The following PKD1 variants were observed in gnomAD, a reference collection of about 807,000 sequenced individuals.
PKD1 encodes polycystin-1.
A neutral mutation model predicts 361.7 loss-of-function variants in PKD1; 81 were observed. The observed-to-expected ratio is 0.22, with a 90% confidence interval of 0.19 to 0.27. The LOEUF (loss-of-function observed/expected upper bound fraction) is 0.27, where lower values mean the gene tolerates loss of function less well. Among genes scored for constraint, PKD1 ranks in the 10% least tolerant of loss-of-function variants. PKD1 has a pLI of 1.00. For synonymous variants in PKD1, 3,615 were observed against 2,818.3 expected, an observed-to-expected ratio of 1.28 and a Z score of -8.95; for missense variants, 6,399 against 6,118.3, an observed-to-expected ratio of 1.05 and a Z score of -1.53.
rs1407836412 is a variant in PKD1, at chr16:2,091,638, C to T, written c.11538-41G>A. On this transcript the variant is annotated intron_variant, in intron 41 of 45. Coordinates refer to ENST00000262304, the MANE Select transcript of PKD1 (RefSeq NM_001009944.3). ...GGGTCAGTAGGAGCGGGTGGCAGGG[C>T]GGGAGCTGCGGGGACCGCGCAGTGC... 8 of 1,556,160 alleles carry T rather than the reference C, an allele frequency of 5.1e-6. No individual in the cohort carries two copies. In the African/African-American group the frequency reaches 6.8e-5, roughly 13 times the overall value.
Position 2,089,166 on chromosome 16 carries a change from C to A in PKD1, c.*561G>T. The A allele has an allele frequency of 5.8e-6, 1 of 173,008 alleles. No homozygotes were observed. Among genetic ancestry groups the A allele is most frequent in the South Asian group, 1.5e-4 (1 of 6,710 alleles). The allele number at this position is 173,008 out of a possible 1,614,324, so 10.7% of individuals were successfully genotyped here. ...AGCAGCCGGGCTGCCATAACGCCACCACACCTACCAAGCGCAGCAGGTGTT... is the reference window on the plus strand; with the variant it reads ...AGCAGCCGGGCTGCCATAACGCCACAACACCTACCAAGCGCAGCAGGTGTT... On this transcript the variant is annotated 3_prime_UTR_variant, in exon 46 of 46. Transcript: ENST00000262304.
chr16:2,123,992 G>T (rs1459577229), intron 1 of PKD1, among the ~76,000 whole-genome samples: 1 of 152,224 alleles, frequency 6.6e-6, no homozygotes, highest in Non-Finnish European at 1.5e-5. Flanking sequence ...GGCGGGAGGA[G>T]TTAGGACCAT....
intron 42 of PKD1, 38 bp from the exon 43 acceptor site, chr16:2,091,212 G>A: frequency 4.2e-6 from 5 of 1,189,764 alleles, no homozygotes; most frequent in South Asian, 3.8e-5. Flanking sequence ...GAGGGACGCT[G>A]CCGGGGCGGG....
intron 33 of PKD1, 23 bp from the exon 34 acceptor site, chr16:2,097,264 G>A (rs1008285353): frequency 6.9e-6 from 11 of 1,602,290 alleles, no homozygotes; most frequent in South Asian, 1.1e-5. Flanking sequence ...GAGGCATAGG[G>A]TGGGCCCAGC....
In PKD1 at chr16:2,116,810, C is replaced by A. The variant is rs1176947104; in HGVS notation, c.1606+23G>T. 2.1e-6 allele frequency: 3 copies of A among 1,418,108 alleles called. No homozygotes were observed. In the African/African-American group the frequency reaches 4.2e-5, roughly 20 times the overall value. 87.8% of individuals were successfully genotyped at this position (1,418,108 alleles called of 1,614,324 possible). A position where few individuals can be genotyped will look rare whatever the true frequency, so the allele number is the denominator to read the frequency against. On this transcript the variant is annotated intron_variant, in intron 7 of 45. Transcript: ENST00000262304. Reference sequence around the variant, plus strand: ...CCCTAACCACAGCCAGCGTCTCAGGCCCCTGCCTGGCCCCCCGCACACCTC... The same window carrying A: ...CCCTAACCACAGCCAGCGTCTCAGGACCCTGCCTGGCCCCCCGCACACCTC...
In PKD1 at chr16:2,111,452, C is replaced by A; in HGVS notation, c.3715G>T (p.Asp1239Tyr). ...VVVSAAVQTG[D>Y]NITWTFDMGD... ...ATGTCGAAGGTCCACGTGATGTTGT[C>A]GCCCGTCTGCACCGCGGCGCTGACC... Residue 1239 changes from aspartate to tyrosine, a missense_variant, in exon 15 of 46, where the codon GAC becomes TAC. By Grantham distance (160) the Asp-to-Tyr change is radical (BLOSUM62 -3). Coordinates refer to ENST00000262304, the MANE Select transcript of PKD1 (RefSeq NM_001009944.3). 6.2e-7 allele frequency: 1 copy of A among 1,611,836 alleles called. No individual in the cohort carries two copies. The highest frequency in any genetic ancestry group is 8.5e-7 in the Non-Finnish European group (1 of 1,179,522).
chr16:2,091,299 AGGGGGCGGGACGCTG>A (rs2091541080), intron 42 of PKD1, 109 bp downstream of exon 42: 2 of 288,640 alleles, frequency 6.9e-6, no homozygotes, highest in African/African-American at 9.7e-5. Flanking sequence ...GGGCCCTGCG[AGGGGGCGGGACGCTG>A]CGAGGGGGCG....
rs1324313309 is a variant in PKD1, at chr16:2,099,927, A to T, written c.9857T>A (p.Leu3286His). The T allele has an allele frequency of 5.8e-6, 9 of 1,562,576 alleles. No individual in the cohort carries two copies. Among genetic ancestry groups the T allele is most frequent in the Non-Finnish European group, 7.8e-6 (9 of 1,154,944 alleles). Residue 3286 changes from leucine to histidine, a missense_variant, in exon 29 of 46, where the codon CTC (leucine) becomes CAC (histidine). Transcript: ENST00000262304. ...TRIQRATCCVLLICLFLGANA... is the reference protein window; with the variant it reads ...TRIQRATCCVHLICLFLGANA... ...GGCGCCCAGGAAGAGGCAGATGAGG[A>T]GAACGCAGCAGGTGGCCCTCTGGAT...
In PKD1 at chr16:2,109,504, A is replaced by C. The variant is rs149395356; in HGVS notation, c.5663T>G (p.Val1888Gly). The stretch of plus-strand genomic sequence containing the variant: ...GCTGCTGGCCCACAGCACCAGGCCC[A>C]CGATGGGCTCCTCCGCCGTGAGGTT... Reference protein sequence around the residue: ...TYNLTAEEPIVGLVLWASSKV... With the variant: ...TYNLTAEEPIGGLVLWASSKV... The change falls in exon 15 of 46, where the codon GTG (valine) becomes GGG (glycine). Residue 1888 changes from valine to glycine, a missense_variant. Coordinates refer to ENST00000262304, the MANE Select transcript of PKD1 (RefSeq NM_001009944.3). 4 of 1,610,080 alleles carry C rather than the reference A, an allele frequency of 2.5e-6. No individual in the cohort carries two copies. Among genetic ancestry groups the C allele is most frequent in the Non-Finnish European group, 3.4e-6 (4 of 1,179,312 alleles).
Position 2,107,902 on chromosome 16 carries a change from T to C in PKD1, c.7046A>G (p.Glu2349Gly). 1 of 1,544,910 alleles carries C rather than the reference T, an allele frequency of 6.5e-7. No individual in the cohort carries two copies. The highest frequency in any genetic ancestry group is 8.7e-7 in the Non-Finnish European group (1 of 1,146,602). The change falls in exon 16 of 46, where the codon GAG becomes GGG. Residue 2349 changes from glutamate to glycine, a missense_variant. Glu to Gly is a moderately conservative substitution (Grantham distance 98, BLOSUM62 -2). Coordinates refer to ENST00000262304, the MANE Select transcript of PKD1 (RefSeq NM_001009944.3). ...SLTVWKAGRK[E>G]EATNQTVLIR... ...ACCCACCGTCTGGTTGGTGGCCTCC[T>C]CCTTGCGGCCGGCCTTCCACACGGT... is the stretch of plus-strand genomic sequence containing the variant.
At position 2,110,645 on chromosome 16, in the gene PKD1, G is replaced by A; in HGVS notation, c.4522C>T (p.Leu1508Phe). ...GCGTGGGTGACCTCCGGACCCTCGA[G>A]CCACCCACCGTCCCCCAGATCCCAC... ...YLWDLGDGGWLEGPEVTHAYN... is the reference protein window; with the variant it reads ...YLWDLGDGGWFEGPEVTHAYN... The change falls in exon 15 of 46, where the codon CTC (leucine) becomes TTC (phenylalanine). Residue 1508 changes from leucine to phenylalanine, a missense_variant. Coordinates refer to ENST00000262304, the MANE Select transcript of PKD1 (RefSeq NM_001009944.3). 1.2e-6 allele frequency: 2 copies of A among 1,610,044 alleles called. No homozygotes were observed. The highest frequency in any genetic ancestry group is 4.5e-5 in the East Asian group (2 of 44,860).
chr16:2,092,907 G>A (rs1363286231), intron 38 of PKD1, 47 bp downstream of exon 38: 3 of 1,610,410 alleles, frequency 1.9e-6, no homozygotes, highest in Non-Finnish European at 2.5e-6. Flanking sequence ...TGGACTAAAG[G>A]CAAAACTAAA....
chr16:2,091,098 A>C lies in PKD1; in HGVS notation c.11789T>G (p.Val3930Gly), dbSNP rs1282267508. The C allele has an allele frequency of 2.0e-6, 3 of 1,500,508 alleles. No individual in the cohort carries two copies. Among genetic ancestry groups the C allele is most frequent in the Admixed American group, 4.2e-5 (2 of 47,738 alleles). The allele number at this position is 1,500,508 out of a possible 1,614,324, so 92.9% of individuals were successfully genotyped here. A position where few individuals can be genotyped will look rare whatever the true frequency, so the allele number is the denominator to read the frequency against. The change falls in exon 43 of 46, where the codon GTG becomes GGG. Residue 3930 changes from valine (V) to glycine (G), a missense_variant. By Grantham distance (109) the Val-to-Gly change is moderately radical. Coordinates refer to ENST00000262304, the MANE Select transcript of PKD1 (RefSeq NM_001009944.3). ...CCGCGCCCAGGCTCCGAGCCGCAGC[A>C]CGCGCCAGCGCCCTTCCCTGTGCCA... ...RTWHREGRWR[V>G]LRLGAWARWL...
chr16:2,097,161 G>C lies in PKD1; in HGVS notation c.10486C>G (p.Leu3496Val), dbSNP rs952446920. 1.3e-6 allele frequency: 2 copies of C among 1,551,516 alleles called. No homozygotes were observed. The highest frequency in any genetic ancestry group is 1.7e-6 in the Non-Finnish European group (2 of 1,147,546). ...PTQDTHMETD[L>V]LSSLSSTPGE... ...CCGGACACTCACAGGCTGCTGAGCA[G>C]GTCCGTTTCCATGTGGGTGTCTTGG... The change falls in exon 34 of 46, where the codon CTG becomes GTG. Residue 3496 changes from leucine (L) to valine (V), a missense_variant. Leu to Val is a conservative substitution (Grantham distance 32). Transcript: ENST00000262304.
At position 2,110,829 on chromosome 16, in the gene PKD1, G is replaced by A. The variant is rs781761438; in HGVS notation, c.4338C>T (p.Thr1446=). The A allele has an allele frequency of 3.6e-5, 58 of 1,611,638 alleles. No homozygotes were observed. The highest frequency in any genetic ancestry group is 5.0e-5 in the Admixed American group (3 of 59,994). The change falls in exon 15 of 46, where the codon ACC becomes ACT. Residue 1446 remains threonine (T), a synonymous_variant. Coordinates refer to ENST00000262304, the MANE Select transcript of PKD1 (RefSeq NM_001009944.3). ...RDPGSYLVTV[T]ASNNISAAND... ...TGGCAGCAGAGATGTTGTTGGACGCGGTGACTGTCACAAGATAGGAGCCTG... is the reference window on the plus strand; with the variant it reads ...TGGCAGCAGAGATGTTGTTGGACGCAGTGACTGTCACAAGATAGGAGCCTG...
At chr16:2,091,283 G>GGGGCGGGGCCCTGCGA (rs2091535936) in intron 42 of PKD1, 109 bp from the exon 43 acceptor site, 1 of 391,348 alleles carries the variant, frequency 2.6e-6, no homozygotes, top group African/African-American at 2.7e-5. Flanking sequence ...GGACGCTGCC[G>GGGGCGGGGCCCTGCGA]GGGCGGGGCC....
chr16:2,090,845 G>A (rs1240971512), intron 43 of PKD1, 37 bp from the exon 44 acceptor site: 1 of 1,610,422 alleles, frequency 6.2e-7, no homozygotes, highest in African/African-American at 1.3e-5. Flanking sequence ...CAGCCCTGGG[G>A]TGTGCGCCCA....
At chr16:2,094,308 G>A in intron 34 of PKD1, 98 bp from the exon 35 acceptor site, 2 of 759,484 alleles carry the variant, frequency 2.6e-6, no homozygotes, top group Non-Finnish European at 2.3e-6. Context: ...TGAGCCTCTT[G>A]GGTCACAGGG....
chr16:2,107,068 G>A (rs570390533), intron 16 of PKD1, 120 bp from the exon 17 acceptor site: 14 of 890,786 alleles, frequency 1.6e-5, no homozygotes, highest in Non-Finnish European at 2.3e-5. Flanking sequence ...GCCACTGCCG[G>A]TGAGCTCACT....
Sources: gnomAD v4.1 joint callset for allele counts (sites outside exome capture counted in the v4.1 genomes callset) on GRCh38, gnomAD v4.1.1 for gene constraint, MANE v1.5 for transcripts, NCBI Gene and HGNC (gene_info 2026-07-23, HGNC 2026-07-21) for gene names.